Variants in MME observed in about 807,000 individuals in gnomAD.
MME encodes membrane metalloendopeptidase.
A neutral mutation model predicts 113.2 loss-of-function variants in MME; 98 were observed. The ratio of observed to expected loss-of-function variants is 0.87; its 90% CI spans 0.74 to 1.02. The LOEUF (loss-of-function observed/expected upper bound fraction) is 1.02. MME is among the 50% of genes least tolerant of loss of function. MME has a pLI of 0.00. For missense variants in MME, 836 were observed against 896.0 expected (o/e 0.93, Z 0.86); for synonymous variants, 292 against 300.6 (o/e 0.97, Z 0.30).
chr3:155,147,763 G>C (rs920627573), intron 15 of MME, among the ~76,000 whole-genome samples: 1 of 152,174 alleles, frequency 6.6e-6, no homozygotes, highest in Non-Finnish European at 1.5e-5. Flanking sequence ...AAGTCTTGCT[G>C]CTAACTCTGC....
At chr3:155,091,470 T>C (rs944307644) in intron 3 of MME, among the ~76,000 whole-genome samples, 1 of 152,190 alleles carries the variant, frequency 6.6e-6, no homozygotes, top group Non-Finnish European at 1.5e-5. Context: ...CCTGGTAAGC[T>C]AAGTGGTACT....
chr3:155,062,821 A>T (rs1193619422), intron 1 of MME, among the ~76,000 whole-genome samples: 1 of 151,938 alleles, frequency 6.6e-6, no homozygotes, highest in East Asian at 1.9e-4. Flanking sequence ...ACGGATCACA[A>T]GGTCAGGAGT....
At position 155,057,357 on chromosome 3, in the gene MME, C is replaced by T. The variant is rs556363059; in HGVS notation, c.-10-26801C>T. Among the ~76,000 whole-genome samples the T allele has an allele frequency of 8.8e-4, 134 of 152,168 alleles. 1 individual carries two copies. Among genetic ancestry groups the T allele is most frequent in the African/African-American group, 3.1e-3 (127 of 41,508 alleles). ...AAACACATGAAAAAATGCTCATCAT[C>T]ACTGGCCATCAGAGAAATGCAAATC... On this transcript the variant is annotated intron_variant, in intron 1 of 22. Transcript: ENST00000492661.
intron 8 of MME, among the ~76,000 whole-genome samples, chr3:155,134,753 CA>C (rs1720488817): frequency 6.6e-6 from 1 of 152,062 alleles, no homozygotes; most frequent in South Asian, 2.1e-4. Context: ...GCATTTTCAC[CA>C]CAGTGTATAA....
At chr3:155,124,034 TC>T (rs1431025480) in intron 8 of MME, among the ~76,000 whole-genome samples, 1 of 99,034 alleles carries the variant, frequency 1.0e-5, no homozygotes, top group Non-Finnish European at 2.1e-5. Context: ...GGTTCCATTC[TC>T]CCCATCACTT....
Position 155,160,528 on chromosome 3 carries a change from A to G in MME, c.1660+80A>G, listed in dbSNP as rs1238696764. ...AGTGCATTGTATGACCAATTACAATACCTCTAAACAAGCACAGCTGAGGCT... is the reference window on the plus strand; with the variant it reads ...AGTGCATTGTATGACCAATTACAATGCCTCTAAACAAGCACAGCTGAGGCT... On this transcript the variant is annotated intron_variant, in intron 17 of 22. Coordinates refer to ENST00000360490, the MANE Select transcript of MME (RefSeq NM_007289.4). The G allele has an allele frequency of 1.4e-5, 13 of 918,544 alleles. No individual in the cohort carries two copies. In the East Asian group the frequency reaches 3.1e-4, roughly 22 times the overall value. The allele number at this position is 918,544 out of a possible 1,614,324, so 56.9% of individuals were successfully genotyped here.
intron 1 of MME, among the ~76,000 whole-genome samples, chr3:155,031,436 A>G (rs1372732871): frequency 6.6e-6 from 1 of 152,092 alleles, no homozygotes; most frequent in East Asian, 1.9e-4. Context: ...AACAAGCAGA[A>G]AGAGGTAAGT....
chr3:155,087,016 T>C (rs74335027), intron 3 of MME, among the ~76,000 whole-genome samples: 2 of 137,968 alleles, frequency 1.4e-5, no homozygotes, highest in African/African-American at 5.1e-5. Flanking sequence ...TTTTTTTTTT[T>C]TGTAGAGACA....
chr3:155,117,045 A>G (rs1718683048), intron 7 of MME, 59 bp downstream of exon 7: 1 of 954,010 alleles, frequency 1.0e-6, no homozygotes, highest in East Asian at 2.4e-5. Context: ...ACTTCCACAT[A>G]CATTGTTGTT....
At chr3:155,065,610 T>C (rs1450016159) in intron 1 of MME, among the ~76,000 whole-genome samples, 2 of 152,214 alleles carry the variant, frequency 1.3e-5, no homozygotes, top group East Asian at 3.8e-4. Flanking sequence ...TATCTGCTAG[T>C]ACATAACAAC....
At position 155,036,805 on chromosome 3, in the gene MME, A is replaced by T. The variant is rs943936000; in HGVS notation, c.-11+12481A>T. On this transcript the variant is annotated intron_variant, in intron 1 of 22. Coordinates refer to the MME transcript ENST00000492661. ...TAGTTTGTGTATTTAATTTTCAAAA[A>T]TTTTTTTACCTATCCTAAGGTTGTA... is the stretch of plus-strand genomic sequence containing the variant. Among the ~76,000 whole-genome samples, 9 of 152,122 alleles carry T rather than the reference A, an allele frequency of 5.9e-5. 1 individual carries two copies. The South Asian group carries it at 6.2e-4, about 11-fold the overall frequency.
chr3:155,107,905 A>G (rs181720420), intron 3 of MME, among the ~76,000 whole-genome samples: 1 of 152,336 alleles, frequency 6.6e-6, no homozygotes, highest in East Asian at 1.9e-4. Context: ...TGGAAGTGCT[A>G]TGTAGTGTTT....
chr3:155,098,233 A>T (rs77718576), intron 3 of MME, among the ~76,000 whole-genome samples: 1,559 of 152,200 alleles, frequency 0.01, 21 homozygotes, highest in African/African-American at 0.034. Context: ...TACACTGGAC[A>T]GAAGATATAA....
At chr3:155,027,854 T>A (rs1357358518) in intron 1 of MME, among the ~76,000 whole-genome samples, 5 of 152,232 alleles carry the variant, frequency 3.3e-5, no homozygotes, top group African/African-American at 1.2e-4. Context: ...AAGCACATAA[T>A]AGATACTCAA....
At chr3:155,180,227 C>T in intron 22 of MME, 133 bp from the exon 23 acceptor site, 1 of 759,050 alleles carries the variant, frequency 1.3e-6, no homozygotes, top group South Asian at 1.4e-5. Context: ...CTCATTGTAC[C>T]AGGTTATTTT....
chr3:155,113,901 T>G (rs2108248163), intron 3 of MME, among the ~76,000 whole-genome samples: 1 of 152,252 alleles, frequency 6.6e-6, no homozygotes, highest in East Asian at 1.9e-4. Context: ...GCGTTTTGTT[T>G]TAAAGAGCTG....
chr3:155,102,671 G>C (rs1409587597), intron 3 of MME, among the ~76,000 whole-genome samples: 2 of 152,186 alleles, frequency 1.3e-5, no homozygotes, highest in Non-Finnish European at 2.9e-5. Context: ...CTGTTCTCAT[G>C]AGATGCCCAT....
At chr3:155,126,123 A>AT (rs1196136154) in intron 8 of MME, among the ~76,000 whole-genome samples, 1 of 152,202 alleles carries the variant, frequency 6.6e-6, no homozygotes, top group Non-Finnish European at 1.5e-5. Context: ...AGATAAATAC[A>AT]TGGGTATGGG....
intron 3 of MME, among the ~76,000 whole-genome samples, chr3:155,087,998 C>A (rs1450870172): frequency 6.6e-6 from 1 of 152,152 alleles, no homozygotes; most frequent in Non-Finnish European, 1.5e-5. Context: ...CAGGATGTAT[C>A]TTGGCAGAGA....
Sources: gnomAD v4.1 joint callset for allele counts (sites outside exome capture counted in the v4.1 genomes callset) on GRCh38, gnomAD v4.1.1 for gene constraint, MANE v1.5 for transcripts, NCBI Gene and HGNC (gene_info 2026-07-23, HGNC 2026-07-21) for gene names.